Variants in OCA2 observed in about 807,000 individuals in gnomAD.
The protein encoded by OCA2 is P protein.
Under a neutral mutation model 100.2 loss-of-function variants are expected in OCA2, and 77 were observed. The observed-to-expected ratio is 0.77, with a 90% CI of 0.64 to 0.93. The LOEUF (loss-of-function observed/expected upper bound fraction) is 0.93, where lower values mean the gene tolerates loss of function less well. OCA2 is among the 40% of genes least tolerant of loss of function. The pLI is 0.00. For synonymous variants in OCA2, 432 were observed against 439.2 expected (o/e 0.98, Z 0.21); for missense variants, 1,062 against 1,089.1 (o/e 0.98, Z 0.35).
chr15:27,751,110 C>A (rs966400540), downstream of OCA2, among the ~76,000 whole-genome samples: 3 of 152,154 alleles, frequency 2.0e-5, no homozygotes, highest in African/African-American at 4.8e-5. Flanking sequence ...AAGAAATATC[C>A]AGACGGTCCT....
At chr15:27,830,480 T>G (rs2034907350) in intron 23 of OCA2, among the ~76,000 whole-genome samples, 1 of 152,150 alleles carries the variant, frequency 6.6e-6, no homozygotes, top group African/African-American at 2.4e-5. Flanking sequence ...CAAATATTAT[T>G]TAAAGATAAG....
chr15:27,751,432 T>G (rs2030061395), downstream of OCA2, among the ~76,000 whole-genome samples: 1 of 152,146 alleles, frequency 6.6e-6, no homozygotes, highest in Non-Finnish European at 1.5e-5. Context: ...TAGGAGTGAC[T>G]TAAAATTACC....
intron 23 of OCA2, among the ~76,000 whole-genome samples, chr15:27,755,766 TCA>T (rs1436449280): frequency 6.6e-6 from 1 of 152,238 alleles, no homozygotes; most frequent in East Asian, 1.9e-4. Context: ...TGTTGGTCTT[TCA>T]ATGCCATGTG....
intron 18 of OCA2, among the ~76,000 whole-genome samples, chr15:27,941,524 G>A (rs1177768913): frequency 1.4e-5 from 2 of 145,282 alleles, no homozygotes; most frequent in Non-Finnish European, 3.0e-5. Flanking sequence ...TTAACCTGTG[G>A]GTACTCAATG....
chr15:27,743,564 T>C, the OCA2 span, among the ~76,000 whole-genome samples: 1 of 152,172 alleles, frequency 6.6e-6, no homozygotes, highest in Admixed American at 6.5e-5. Context: ...AGCACACCTC[T>C]GTCCATATCA....
intron 23 of OCA2, among the ~76,000 whole-genome samples, chr15:27,770,767 T>TC (rs1566948589): frequency 1.4e-5 from 1 of 72,194 alleles, no homozygotes; most frequent in East Asian, 2.9e-4. Flanking sequence ...CCTCTCTCCC[T>TC]CCCTCCCTTC....
chr15:27,977,741 T>C (rs757088618), intron 14 of OCA2, among the ~76,000 whole-genome samples: 5 of 152,166 alleles, frequency 3.3e-5, no homozygotes, highest in Non-Finnish European at 5.9e-5. Context: ...AGGGCTTAGA[T>C]GAGGTCATGA....
rs555970944 is a variant in OCA2 at position 28,082,964 on chromosome 15, C to T, written c.-21-1069G>A. On this transcript the variant is annotated intron_variant, in intron 1 of 23. Coordinates refer to ENST00000354638, the MANE Select transcript of OCA2 (RefSeq NM_000275.3). ...TGCATTTTCAAGCAGCCGACAGCACCAGAAATGACCTTTGGCCTTGCAGCC... is the reference window on the plus strand; with the variant it reads ...TGCATTTTCAAGCAGCCGACAGCACTAGAAATGACCTTTGGCCTTGCAGCC... Among the ~76,000 whole-genome samples the T allele has an allele frequency of 1.6e-4, 25 of 152,278 alleles. No individual in the cohort carries two copies. In the South Asian group the frequency reaches 4.4e-3, roughly 27 times the overall value.
At chr15:27,833,709 CG>C (rs1567004783) in intron 23 of OCA2, among the ~76,000 whole-genome samples, 2 of 152,042 alleles carry the variant, frequency 1.3e-5, no homozygotes, top group African/African-American at 4.8e-5. Flanking sequence ...AAATTTGATC[CG>C]TGGAAAGGCA....
intron 23 of OCA2, among the ~76,000 whole-genome samples, chr15:27,805,347 C>T (rs1258600415): frequency 6.6e-6 from 1 of 152,220 alleles, no homozygotes; most frequent in African/African-American, 2.4e-5. Flanking sequence ...CAGGGAACCG[C>T]GAAGGAGGCC....
chr15:27,972,340 C>T (rs1052987714), intron 14 of OCA2, among the ~76,000 whole-genome samples: 9 of 152,044 alleles, frequency 5.9e-5, no homozygotes, highest in Admixed American at 5.2e-4. Context: ...GATATAATGA[C>T]TTCTTTTCCT....
intron 23 of OCA2, among the ~76,000 whole-genome samples, chr15:27,787,665 T>G (rs1347283739): frequency 6.6e-6 from 1 of 151,980 alleles, no homozygotes; most frequent in Non-Finnish European, 1.5e-5. Context: ...AATTTGTCAA[T>G]TTTGTCAAGA....
chr15:27,820,795 C>T (rs1040706813), intron 23 of OCA2, among the ~76,000 whole-genome samples: 4 of 152,144 alleles, frequency 2.6e-5, no homozygotes, highest in Non-Finnish European at 4.4e-5. Flanking sequence ...TAAATAATAA[C>T]GCAGAAGAAT....
chr15:27,750,568 C>G (rs2030034270), downstream of OCA2, among the ~76,000 whole-genome samples: 1 of 152,216 alleles, frequency 6.6e-6, no homozygotes, highest in African/African-American at 2.4e-5. Flanking sequence ...GTGGACACTT[C>G]CTGCATTGAA....
the OCA2 span, among the ~76,000 whole-genome samples, chr15:27,730,732 AATATATATATATATAT>A: frequency 0.054 from 5,528 of 101,926 alleles, 200 homozygotes; most frequent in East Asian, 0.11. Flanking sequence ...AAAAAGACCA[AATATATATATATATAT>A]ATATATATAT....
At chr15:27,726,171 G>A in the OCA2 span, among the ~76,000 whole-genome samples, 2 of 152,006 alleles carry the variant, frequency 1.3e-5, no homozygotes, top group South Asian at 2.1e-4. Flanking sequence ...GGTGGCACAC[G>A]CCTGTAGTCC....
At chr15:27,834,207 T>C (rs1303145001) in intron 23 of OCA2, among the ~76,000 whole-genome samples, 2 of 152,168 alleles carry the variant, frequency 1.3e-5, no homozygotes, top group South Asian at 2.1e-4. Context: ...AAATGGCCAA[T>C]GATGTAATCA....
In OCA2 at chr15:27,865,977, C is replaced by G. The variant is rs552392660; in HGVS notation, c.2244+5177G>C. Among the ~76,000 whole-genome samples the G allele has an allele frequency of 7.9e-5, 12 of 152,320 alleles. No homozygotes were observed. In the East Asian group the frequency reaches 2.1e-3, roughly 27 times the overall value. ...AAACCCAGATCACCTCCCAAAGAGCCATTCCTATCACTGCATCTGTCAGAA... is the reference window on the plus strand; with the variant it reads ...AAACCCAGATCACCTCCCAAAGAGCGATTCCTATCACTGCATCTGTCAGAA... On this transcript the variant is annotated intron_variant, in intron 21 of 23. Coordinates refer to ENST00000354638, the MANE Select transcript of OCA2 (RefSeq NM_000275.3).
chr15:28,069,672 G>A (rs374443938), intron 2 of OCA2, among the ~76,000 whole-genome samples: 5 of 146,364 alleles, frequency 3.4e-5, no homozygotes, highest in South Asian at 2.2e-4. Flanking sequence ...CCGAGGTGCC[G>A]GGATTGCAGA....
Sources: gnomAD v4.1 joint callset for allele counts (sites outside exome capture counted in the v4.1 genomes callset) on GRCh38, gnomAD v4.1.1 for gene constraint, MANE v1.5 for transcripts, NCBI Gene and HGNC (gene_info 2026-07-23, HGNC 2026-07-21) for gene names.